RNF14: variants seen among roughly 807,000 people sequenced by gnomAD.
The protein encoded by RNF14 is E3 ubiquitin-protein ligase RNF14.
Under a neutral mutation model 52.6 loss-of-function variants are expected in RNF14, and 26 were observed. The ratio of observed to expected loss-of-function variants is 0.49; its 90% CI spans 0.36 to 0.69. RNF14 has a LOEUF of 0.69. Among genes scored for constraint, RNF14 ranks in the 30% least tolerant of loss-of-function variants. The pLI, the probability that RNF14 is intolerant of heterozygous loss-of-function variation, is 0.00. For synonymous variants in RNF14, 194 were observed against 202.0 expected (o/e 0.96, Z 0.34); for missense variants, 404 against 560.4 (o/e 0.72, Z 2.82).
In RNF14 at chr5:141,980,186, T is replaced by C. The variant is rs1754642982; in HGVS notation, c.898T>C (p.Leu300=). 1 of 1,614,238 alleles carries C rather than the reference T, an allele frequency of 6.2e-7. No homozygotes were observed. Among genetic ancestry groups the C allele is most frequent in the Middle Eastern group, 1.6e-4 (1 of 6,062 alleles). Residue 300 remains leucine, a synonymous_variant, in exon 6 of 9, where the codon TTG becomes CTG. Transcript: ENST00000394520. The part of the protein sequence containing the change: ...RYDRLLLQSS[L]DLMADVVYCP... Reference sequence around the variant, plus strand: ...TGACCGCCTTCTCCTCCAGTCCTCCTTGGACCTGATGGCAGATGTGGTGTA... The same window carrying C: ...TGACCGCCTTCTCCTCCAGTCCTCCCTGGACCTGATGGCAGATGTGGTGTA...
At chr5:141,955,158 T>C (rs746563397), upstream of RNF14, 7 of 1,614,062 alleles carry the variant, frequency 4.3e-6, no homozygotes, top group South Asian at 1.1e-5. This position sits in a 1 kb window ranked among gnomAD's most constrained non-coding sequence, Gnocchi z 5.5. Context: ...TCTGTGGGGC[T>C]TCCTCACTGC....
chr5:141,976,532 C>T (rs777159350), intron 4 of RNF14, among the ~76,000 whole-genome samples: 1 of 152,126 alleles, frequency 6.6e-6, no homozygotes, highest in Non-Finnish European at 1.5e-5. Flanking sequence ...TAATTGGTCT[C>T]TTATATTCCT....
chr5:141,983,456 T>A lies in RNF14; in HGVS notation c.1140T>A (p.Gly380=). ...ANKRLLDQRY[G]KRVIQKALEE... ...AAAGACTTTTGGATCAAAGGTATGG[T>A]AAGAGAGTGATTCAGAAGGCACTGG... The change falls in exon 7 of 9, where the codon GGT becomes GGA. Residue 380 remains glycine (G), a synonymous_variant. Transcript: ENST00000394520. 1.9e-6 allele frequency: 3 copies of A among 1,613,690 alleles called. No homozygotes were observed. Among genetic ancestry groups the A allele is most frequent in the Non-Finnish European group, 2.5e-6 (3 of 1,179,912 alleles).
intron 5 of RNF14, among the ~76,000 whole-genome samples, chr5:141,979,564 T>C (rs1314110634): frequency 1.3e-5 from 2 of 152,182 alleles, no homozygotes; most frequent in Non-Finnish European, 2.9e-5. Flanking sequence ...TTTTTTGTTT[T>C]CTTATTAAAG....
Position 141,989,110 on chromosome 5 carries a change from A to G in RNF14, c.*1320A>G, listed in dbSNP as rs865830611. The G allele has an allele frequency of 2.6e-5, 4 of 152,310 alleles. No individual in the cohort carries two copies. Among genetic ancestry groups the G allele is most frequent in the Non-Finnish European group, 5.9e-5 (4 of 68,038 alleles). The allele number at this position is 152,310 out of a possible 1,614,324, so 9.4% of individuals were successfully genotyped here. ...TAGGTGTGTGTGTCCAGAGTGAGCAAGGATTATGTTTTTGGATTGTCAAAG... is the reference window on the plus strand; with the variant it reads ...TAGGTGTGTGTGTCCAGAGTGAGCAGGGATTATGTTTTTGGATTGTCAAAG... On this transcript the variant is annotated 3_prime_UTR_variant, in exon 9 of 9. Transcript: ENST00000394520.
chr5:141,951,566 G>A, the RNF14 span: 1 of 1,614,172 alleles, frequency 6.2e-7, no homozygotes, highest in Non-Finnish European at 8.5e-7. Flanking sequence ...CCCTGATGCA[G>A]CAAGGACAGC....
chr5:141,954,279 C>G (rs996621857), upstream of RNF14, among the ~76,000 whole-genome samples: 1 of 152,176 alleles, frequency 6.6e-6, no homozygotes, highest in Admixed American at 6.5e-5. Context: ...GGGTCTCAGA[C>G]AAATTATTTG....
At chr5:141,972,869 G>A (rs1385977372) in intron 2 of RNF14, among the ~76,000 whole-genome samples, 1 of 152,170 alleles carries the variant, frequency 6.6e-6, no homozygotes, top group Non-Finnish European at 1.5e-5. Context: ...GGGATTACAG[G>A]CACGAGCCAC....
At chr5:141,975,584 C>A (rs1435708590) in intron 4 of RNF14, among the ~76,000 whole-genome samples, 1 of 152,094 alleles carries the variant, frequency 6.6e-6, no homozygotes, top group Non-Finnish European at 1.5e-5. Flanking sequence ...TAGTAACAAC[C>A]TCAACTCTTG....
intron 8 of RNF14, among the ~76,000 whole-genome samples, chr5:141,986,587 C>T (rs1345853208): frequency 1.3e-5 from 2 of 152,128 alleles, no homozygotes; most frequent in Non-Finnish European, 2.9e-5. Context: ...TATCCTTGGC[C>T]CTGGAGAATT....
At chr5:141,951,527 C>G in the RNF14 span, 1 of 1,614,208 alleles carries the variant, frequency 6.2e-7, no homozygotes, top group South Asian at 1.1e-5. Context: ...TACTTATTTC[C>G]TCGGTGGTTT....
At position 141,978,434 on chromosome 5, in the gene RNF14, C is replaced by T. The variant is rs1754452801; in HGVS notation, c.438C>T (p.Leu146=). The T allele has an allele frequency of 1.9e-6, 3 of 1,614,160 alleles. No homozygotes were observed. Among genetic ancestry groups the T allele is most frequent in the Non-Finnish European group, 2.5e-6 (3 of 1,180,020 alleles). The change falls in exon 5 of 9, where the codon CTC becomes CTT. Residue 146 remains leucine (L), a synonymous_variant. Transcript: ENST00000394520. ...TGAATATTGTCTCTCCTTTTGAGCT[C>T]AAGATTGGTTCTCAGAAAAAAGTGC... The part of the protein sequence containing the change: ...AYLNIVSPFE[L]KIGSQKKVQR...
intron 5 of RNF14, among the ~76,000 whole-genome samples, chr5:141,979,225 TGG>T (rs1372161721): frequency 0.12 from 9,979 of 82,596 alleles, 468 homozygotes; most frequent in African/African-American, 0.2. Flanking sequence ...CCTACTTAGG[TGG>T]TGGTGGTGTT....
At chr5:141,979,340 C>G (rs1480156031) in intron 5 of RNF14, among the ~76,000 whole-genome samples, 2 of 152,116 alleles carry the variant, frequency 1.3e-5, no homozygotes, top group East Asian at 3.9e-4. Flanking sequence ...ACCTCTGCCT[C>G]CAAGGTTCAA....
chr5:141,974,248 A>G (rs756923269), intron 3 of RNF14, among the ~76,000 whole-genome samples: 3 of 152,246 alleles, frequency 2.0e-5, no homozygotes, highest in Admixed American at 2.0e-4. Flanking sequence ...TGTTTCTACT[A>G]TAAAGGGATT....
chr5:141,979,349 A>G (rs1754556721), intron 5 of RNF14, among the ~76,000 whole-genome samples: 1 of 152,088 alleles, frequency 6.6e-6, no homozygotes, highest in African/African-American at 2.4e-5. Context: ...TCCAAGGTTC[A>G]AGTGATTTCC....
At position 141,973,615 on chromosome 5, in the gene RNF14, G is replaced by A. The variant is rs1211422723; in HGVS notation, c.27G>A (p.Gln9=). The A allele has an allele frequency of 6.2e-7, 1 of 1,613,752 alleles. No individual in the cohort carries two copies. The highest frequency in any genetic ancestry group is 1.7e-5 in the Admixed American group (1 of 59,932). MSSEDREA[Q]EDELLALASI... ...TGTCGTCAGAAGATCGAGAAGCTCA[G>A]GAGGATGAATTGCTGGCCCTGGCAA... The change falls in exon 3 of 9, where the codon CAG becomes CAA. Residue 9 remains glutamine (Q), a synonymous_variant. Transcript: ENST00000394520.
upstream of RNF14, chr5:141,957,252 C>T (rs1368904613): frequency 6.2e-7 from 1 of 1,614,054 alleles, no homozygotes; most frequent in East Asian, 2.2e-5. This position sits in a 1 kb window ranked among gnomAD's most constrained non-coding sequence, Gnocchi z 4.3. Context: ...TGTCCAGCTC[C>T]TTCACCACTA....
At chr5:141,956,058 C>G, upstream of RNF14, 1 of 1,613,054 alleles carries the variant, frequency 6.2e-7, no homozygotes, top group Non-Finnish European at 8.5e-7. Flanking sequence ...CCGCTGGGCC[C>G]AAGCCATTGG....
Sources: gnomAD v4.1 joint callset for allele counts (sites outside exome capture counted in the v4.1 genomes callset) on GRCh38, gnomAD v4.1.1 for gene constraint, Gnocchi (gnomAD v3.1) non-coding constraint, MANE v1.5 for transcripts, NCBI Gene and HGNC (gene_info 2026-07-23, HGNC 2026-07-21) for gene names.